Variants in ABITRAM observed in about 807,000 individuals in gnomAD.
The protein encoded by ABITRAM is actin binding transcription modulator, also known as protein Abitram.
Under a neutral mutation model 22.9 loss-of-function variants are expected in ABITRAM, and 19 were observed. The observed-to-expected ratio is 0.83, with a 90% CI of 0.58 to 1.22. The LOEUF is 1.22. Ranked by LOEUF, ABITRAM falls within the 50% of genes most tolerant of loss-of-function variation. The probability of loss-of-function intolerance (pLI) is 0.00; values close to 1 mark genes in which losing one functional copy is unlikely to be tolerated. For missense variants in ABITRAM, 215 were observed against 220.2 expected (o/e 0.98, Z 0.15); for synonymous variants, 70 against 73.9 (o/e 0.95, Z 0.27).
rs752842409 is a variant in ABITRAM, at chr9:108,939,382, T to C, written c.339-3T>C. The C allele has an allele frequency of 6.2e-7, 1 of 1,600,956 alleles. No homozygotes were observed. The highest frequency in any genetic ancestry group is 8.5e-7 in the Non-Finnish European group (1 of 1,176,770). Reference sequence around the variant, plus strand: ...ATGCTGAAATCTTAAATTTTTTTAATAGTTGTGTTAGAGGACGTTTGATGG... The same window carrying C: ...ATGCTGAAATCTTAAATTTTTTTAACAGTTGTGTTAGAGGACGTTTGATGG... On this transcript the variant is annotated splice_polypyrimidine_tract_variant and splice_region_variant and intron_variant, in intron 4 of 5. Transcript: ENST00000322940.
chr9:108,938,596 T>G (rs895858395), intron 3 of ABITRAM, among the ~76,000 whole-genome samples: 3 of 152,002 alleles, frequency 2.0e-5, no homozygotes, highest in African/African-American at 7.3e-5. Flanking sequence ...GCTTAAAACT[T>G]TTGTTTTCCA....
At chr9:108,943,840 T>C, downstream of ABITRAM, 4 of 1,609,952 alleles carry the variant, frequency 2.5e-6, no homozygotes, top group Non-Finnish European at 3.4e-6. Context: ...TAACAAGTTA[T>C]AACAGCCCGC....
At chr9:108,943,968 T>C, downstream of ABITRAM, 1 of 1,613,284 alleles carries the variant, frequency 6.2e-7, no homozygotes, top group Non-Finnish European at 8.5e-7. Context: ...TTACCTGTTT[T>C]GAAAAAGCTT....
intron 3 of ABITRAM, among the ~76,000 whole-genome samples, chr9:108,947,214 C>T (rs1313922223): frequency 6.6e-6 from 1 of 150,968 alleles, no homozygotes; most frequent in Non-Finnish European, 1.5e-5. Flanking sequence ...CCCGGGTTCA[C>T]GCCACTCTCC....
chr9:108,936,525 A>G, intron 3 of ABITRAM, 88 bp downstream of exon 3: 2 of 1,424,146 alleles, frequency 1.4e-6, no homozygotes, highest in Non-Finnish European at 9.6e-7. Flanking sequence ...ATCCAGTAGC[A>G]TATGCTTAGC....
At chr9:108,936,267 A>T in intron 2 of ABITRAM, 41 bp from the exon 3 acceptor site, 2 of 1,595,274 alleles carry the variant, frequency 1.3e-6, no homozygotes, top group Non-Finnish European at 1.7e-6. Flanking sequence ...AGGAAAAATT[A>T]TTCCAAGCAA....
chr9:108,938,088 G>A (rs1830210470), intron 3 of ABITRAM, among the ~76,000 whole-genome samples: 2 of 151,858 alleles, frequency 1.3e-5, no homozygotes, highest in Admixed American at 6.6e-5. Context: ...AGTTTTCACT[G>A]GATCTCAGAA....
chr9:108,943,988 A>T (rs1830324774), downstream of ABITRAM: 2 of 1,613,746 alleles, frequency 1.2e-6, no homozygotes, highest in African/African-American at 2.7e-5. Flanking sequence ...TGAACACTGG[A>T]AGTAAGCTTT....
rs1294084159 is a variant in ABITRAM at position 108,940,622 on chromosome 9, A to G, written c.*936A>G. 1 of 152,222 alleles carries G rather than the reference A, an allele frequency of 6.6e-6. No homozygotes were observed. The highest frequency in any genetic ancestry group is 1.5e-5 in the Non-Finnish European group (1 of 68,030). 9.4% of individuals were successfully genotyped at this position (152,222 alleles called of 1,614,324 possible). A position where few individuals can be genotyped will look rare whatever the true frequency, so the allele number is the denominator to read the frequency against. ...GATATGTGAAAAGGCTATGAAAAAT[A>G]CAAAGGCTTTCCTAGGAAATGTGTT... is the stretch of plus-strand genomic sequence containing the variant. On this transcript the variant is annotated 3_prime_UTR_variant, in exon 6 of 6. Coordinates refer to ENST00000322940, the MANE Select transcript of ABITRAM (RefSeq NM_017832.4).
At position 108,939,610 on chromosome 9, in the gene ABITRAM, C is replaced by T. The variant is rs1382771958; in HGVS notation, c.470C>T (p.Thr157Ile). 1 of 1,613,850 alleles carries T rather than the reference C, an allele frequency of 6.2e-7. No homozygotes were observed. The highest frequency in any genetic ancestry group is 1.1e-5 in the South Asian group (1 of 91,084). Residue 157 changes from threonine to isoleucine, a missense_variant, in exon 6 of 6, where the codon ACA becomes ATA. Transcript: ENST00000322940. ...LPKFEESKSI[T>I]EGLLTQKQYE... ...AAATTTGAAGAAAGTAAAAGCATAA[C>T]AGAAGGGTTACTGACACAAAAACAA... is the stretch of plus-strand genomic sequence containing the variant.
At chr9:108,950,017 A>C (rs1211725612) in intron 3 of ABITRAM, among the ~76,000 whole-genome samples, 1 of 141,122 alleles carries the variant, frequency 7.1e-6, no homozygotes. Context: ...GAGCAAGGCT[A>C]CATCTCAAAA....
At chr9:108,945,643 G>GTT (rs1319557755), downstream of ABITRAM, among the ~76,000 whole-genome samples, 1 of 120,692 alleles carries the variant, frequency 8.3e-6, no homozygotes, top group African/African-American at 3.0e-5. Flanking sequence ...TTTTTTTTTT[G>GTT]TTTTGTTTTT....
chr9:108,942,855 T>C (rs745705045), downstream of ABITRAM: 1 of 1,613,224 alleles, frequency 6.2e-7, no homozygotes. Context: ...TTAAGACAAT[T>C]AGTATCTGGT....
chr9:108,935,365 C>T (rs1220550518), intron 1 of ABITRAM, among the ~76,000 whole-genome samples: 1 of 152,082 alleles, frequency 6.6e-6, no homozygotes, highest in Non-Finnish European at 1.5e-5. Flanking sequence ...AAAAATACTA[C>T]GTGTACTCAT....
intron 3 of ABITRAM, among the ~76,000 whole-genome samples, chr9:108,949,251 G>A (rs28361170): frequency 0.032 from 4,934 of 152,108 alleles, 126 homozygotes; most frequent in Admixed American, 0.076. Context: ...TATATTCTAG[G>A]AAGAAGTCCT....
chr9:108,947,729 A>G (rs1830446994), intron 3 of ABITRAM, among the ~76,000 whole-genome samples: 1 of 152,210 alleles, frequency 6.6e-6, no homozygotes, highest in South Asian at 2.1e-4. Context: ...TACTGAAGGA[A>G]AGAAGGAAAC....
downstream of ABITRAM, chr9:108,943,974 A>T: frequency 6.2e-7 from 1 of 1,613,642 alleles, no homozygotes. Context: ...GTTTTGAAAA[A>T]GCTTGAACAC....
In ABITRAM at chr9:108,934,497, A is replaced by G; in HGVS notation, c.11A>G (p.Glu4Gly). Residue 4 changes from glutamate (E) to glycine (G), a missense_variant, in exon 1 of 6, where the codon GAG becomes GGG. Glu to Gly is a moderately conservative substitution (Grantham distance 98). Coordinates refer to ENST00000322940, the MANE Select transcript of ABITRAM (RefSeq NM_017832.4). ...GCGCCGGAGGTCGCCATGGCTACCG[A>G]GCCCGAAGCCGCGGAGCCGGTGGTG... MATEPEAAEPVVPS... is the reference protein window; with the variant it reads MATGPEAAEPVVPS... 6.2e-7 allele frequency: 1 copy of G among 1,604,066 alleles called. No individual in the cohort carries two copies. Among genetic ancestry groups the G allele is most frequent in the Non-Finnish European group, 8.5e-7 (1 of 1,176,564 alleles).
At chr9:108,938,691 G>GGT (rs1554705447) in intron 3 of ABITRAM, among the ~76,000 whole-genome samples, 2 of 107,146 alleles carry the variant, frequency 1.9e-5, no homozygotes, top group African/African-American at 9.8e-5. Context: ...GAATTACAAA[G>GGT]GGGGGGGGGG....
Sources: allele counts gnomAD v4.1 joint callset (sites outside exome capture counted in the v4.1 genomes callset), GRCh38; gene constraint gnomAD v4.1.1; transcripts MANE v1.5; gene names NCBI Gene and HGNC (gene_info 2026-07-23, HGNC 2026-07-21).